Variants in GRID2 observed in about 807,000 individuals in gnomAD.
GRID2 encodes the protein glutamate receptor ionotropic, delta-2.
GRID2 carries 33 observed loss-of-function variants against 114.8 expected under a neutral mutation model. That is an observed-to-expected ratio of 0.29 (90% CI 0.22 to 0.38). GRID2 has a LOEUF of 0.38. Ranked by LOEUF, GRID2 falls within the 10% of genes least tolerant of loss-of-function variation. The pLI is 1.00. For missense variants in GRID2, 1,184 were observed against 1,257.7 expected, an observed-to-expected ratio of 0.94 and a Z score of 0.89; for synonymous variants, 505 against 449.9, an observed-to-expected ratio of 1.12 and a Z score of -1.55.
chr4:93,173,244 T>A (rs575074710), intron 4 of GRID2, among the ~76,000 whole-genome samples: 1 of 152,280 alleles, frequency 6.6e-6, no homozygotes, highest in East Asian at 1.9e-4. Flanking sequence ...AAGAGAGGTT[T>A]CTCAATATTA....
chr4:93,142,708 T>A (rs2149387790), intron 4 of GRID2, among the ~76,000 whole-genome samples: 1 of 152,340 alleles, frequency 6.6e-6, no homozygotes, highest in Non-Finnish European at 1.5e-5. Flanking sequence ...TTTTTCATGC[T>A]ATTCAACCAC....
At chr4:92,771,475 A>G (rs1560582902) in intron 2 of GRID2, among the ~76,000 whole-genome samples, 2 of 152,224 alleles carry the variant, frequency 1.3e-5, no homozygotes, top group East Asian at 3.9e-4. Flanking sequence ...GGGAGGTCGG[A>G]GATTATTTTC....
intron 1 of GRID2, among the ~76,000 whole-genome samples, chr4:92,387,694 A>C (rs113667204): frequency 8.6e-5 from 13 of 151,982 alleles, no homozygotes; most frequent in African/African-American, 2.9e-4. Flanking sequence ...CTTAATAATA[A>C]TTCAGAAGCC....
At chr4:93,303,013 G>A (rs1755034316) in intron 8 of GRID2, among the ~76,000 whole-genome samples, 1 of 152,172 alleles carries the variant, frequency 6.6e-6, no homozygotes, top group Admixed American at 6.5e-5. Flanking sequence ...CATGGCTGGG[G>A]AGGCCTCAGG....
At chr4:92,443,635 G>T (rs1421540701) in intron 1 of GRID2, among the ~76,000 whole-genome samples, 1 of 152,070 alleles carries the variant, frequency 6.6e-6, no homozygotes, top group Non-Finnish European at 1.5e-5. Context: ...AGCGGGACTT[G>T]CCGCTAAGAG....
chr4:92,662,921 C>A lies in GRID2; in HGVS notation c.244+72635C>A, dbSNP rs962955126. Among the ~76,000 whole-genome samples, 4 of 151,030 alleles carry A rather than the reference C, an allele frequency of 2.6e-5. No individual in the cohort carries two copies. The East Asian group carries it at 7.8e-4, about 29-fold the overall frequency. ...TTTAAATACAGAAATTTTAAACTGT[C>A]CTCTAATTGTGAAGTCAAAACTAAG... On this transcript the variant is annotated intron_variant, in intron 2 of 15. Transcript: ENST00000282020.
At chr4:92,728,052 G>A (rs975556166) in intron 2 of GRID2, among the ~76,000 whole-genome samples, 5 of 152,078 alleles carry the variant, frequency 3.3e-5, no homozygotes, top group African/African-American at 1.2e-4. Context: ...ACAGGGGAGG[G>A]AATGGAGTGG....
At chr4:93,023,673 A>G (rs1367315721) in intron 2 of GRID2, among the ~76,000 whole-genome samples, 1 of 151,892 alleles carries the variant, frequency 6.6e-6, no homozygotes, top group Non-Finnish European at 1.5e-5. Context: ...CATATATATC[A>G]CATATAACCT....
At chr4:92,513,173 C>A (rs1439470965) in intron 1 of GRID2, among the ~76,000 whole-genome samples, 1 of 151,798 alleles carries the variant, frequency 6.6e-6, no homozygotes, top group Non-Finnish European at 1.5e-5. Context: ...AAAGCTGACT[C>A]TTTCTTAATT....
intron 2 of GRID2, among the ~76,000 whole-genome samples, chr4:93,006,583 A>G (rs1454294769): frequency 6.7e-6 from 1 of 150,104 alleles, no homozygotes; most frequent in Non-Finnish European, 1.5e-5. Context: ...GGTTAAAATT[A>G]AAGGCCCTAC....
At chr4:93,201,536 T>C (rs970144381) in intron 4 of GRID2, among the ~76,000 whole-genome samples, 1 of 152,342 alleles carries the variant, frequency 6.6e-6, no homozygotes, top group East Asian at 1.9e-4. Flanking sequence ...TCTTTGCTGC[T>C]ACAGGTGCAC....
chr4:93,091,357 G>A (rs749253463), intron 3 of GRID2, among the ~76,000 whole-genome samples: 21 of 152,050 alleles, frequency 1.4e-4, no homozygotes, highest in Non-Finnish European at 1.5e-5. Flanking sequence ...AAAGAATGGC[G>A]ATCAAGTCGT....
At chr4:93,266,214 AT>A (rs1337284717) in intron 8 of GRID2, among the ~76,000 whole-genome samples, 1 of 151,996 alleles carries the variant, frequency 6.6e-6, no homozygotes, top group Admixed American at 6.6e-5. Context: ...GCCAGAAATT[AT>A]TTTTTTTCTC....
At chr4:93,112,592 C>G (rs1349367120) in intron 4 of GRID2, among the ~76,000 whole-genome samples, 1 of 152,122 alleles carries the variant, frequency 6.6e-6, no homozygotes, top group Non-Finnish European at 1.5e-5. Context: ...GAAAATTAAA[C>G]TGTTTTCATT....
chr4:92,625,679 G>A (rs1203951605), intron 2 of GRID2, among the ~76,000 whole-genome samples: 2 of 151,700 alleles, frequency 1.3e-5, no homozygotes, highest in Non-Finnish European at 2.9e-5. Flanking sequence ...GTTACCTCAG[G>A]AGTCTATTGT....
chr4:93,444,558 A>T (rs1721916884), intron 10 of GRID2, among the ~76,000 whole-genome samples: 1 of 152,042 alleles, frequency 6.6e-6, no homozygotes, highest in Non-Finnish European at 1.5e-5. Context: ...AAATTGCAAG[A>T]TCAAACATCT....
At chr4:93,079,989 T>G (rs1180680137) in intron 2 of GRID2, among the ~76,000 whole-genome samples, 1 of 152,152 alleles carries the variant, frequency 6.6e-6, no homozygotes, top group African/African-American at 2.4e-5. Context: ...TGTAACACTA[T>G]TTACATATTA....
At chr4:92,537,786 T>G (rs12642977) in intron 1 of GRID2, among the ~76,000 whole-genome samples, 2,209 of 50,088 alleles carry the variant, frequency 0.044, 24 homozygotes, top group Non-Finnish European at 0.06. Context: ...AAACTTGCGG[T>G]GTGTGTGTGT....
chr4:93,392,756 C>G (rs1267606225), intron 8 of GRID2, among the ~76,000 whole-genome samples: 5 of 151,936 alleles, frequency 3.3e-5, no homozygotes, highest in Non-Finnish European at 7.4e-5. Context: ...CCCTTCCTAC[C>G]TTAAATAGAT....
Sources: allele counts gnomAD v4.1 joint callset (sites outside exome capture counted in the v4.1 genomes callset), GRCh38; gene constraint gnomAD v4.1.1; transcripts MANE v1.5; gene names NCBI Gene and HGNC (gene_info 2026-07-23, HGNC 2026-07-21).